RBBP8: variants seen among roughly 807,000 people sequenced by gnomAD.
RBBP8 encodes RB binding protein 8, endonuclease.
Under a neutral mutation model 108.3 loss-of-function variants are expected in RBBP8, and 88 were observed. That is an observed-to-expected ratio of 0.81 (90% CI 0.68 to 0.97). The LOEUF is 0.97. RBBP8 is among the 50% of genes least tolerant of loss of function. RBBP8 has a pLI of 0.00. For synonymous variants in RBBP8, 332 were observed against 348.2 expected, an observed-to-expected ratio of 0.95 and a Z score of 0.52; for missense variants, 1,023 against 1,049.0, an observed-to-expected ratio of 0.98 and a Z score of 0.34.
At chr18:23,009,844 C>T (rs980333500) in intron 16 of RBBP8, among the ~76,000 whole-genome samples, 6 of 152,242 alleles carry the variant, frequency 3.9e-5, no homozygotes, top group Non-Finnish European at 8.8e-5. Flanking sequence ...TCACTGCAAC[C>T]TCCACCTCCT....
rs773539898 is a variant in RBBP8, at chr18:22,985,021, T to C, written c.709+31T>C. ...CAAGATACTGAGATTACTTTACAAG[T>C]TTAAAATTGTGGTTATTGGTGGGTA... is the stretch of plus-strand genomic sequence containing the variant. On this transcript the variant is annotated intron_variant, in intron 8 of 18. Coordinates refer to ENST00000327155, the MANE Select transcript of RBBP8 (RefSeq NM_002894.3). 7 of 1,608,364 alleles carry C rather than the reference T, an allele frequency of 4.4e-6. 1 individual carries two copies. In the South Asian group the frequency reaches 4.4e-5, roughly 10 times the overall value.
At chr18:22,938,363 T>C (rs1414756570) in intron 2 of RBBP8, among the ~76,000 whole-genome samples, 3 of 151,978 alleles carry the variant, frequency 2.0e-5, no homozygotes, top group East Asian at 3.9e-4. Context: ...AGTTTTTGTA[T>C]TTTTTGTGGA....
At chr18:22,956,401 C>G (rs1029968128) in intron 4 of RBBP8, among the ~76,000 whole-genome samples, 2 of 152,104 alleles carry the variant, frequency 1.3e-5, no homozygotes, top group African/African-American at 4.8e-5. Flanking sequence ...ATGGCACCAT[C>G]ATAGCTCATT....
At chr18:22,985,271 C>T in intron 8 of RBBP8, among the ~76,000 whole-genome samples, 1 of 151,858 alleles carries the variant, frequency 6.6e-6, no homozygotes, top group South Asian at 2.1e-4. Flanking sequence ...TGTTGTATAC[C>T]AGGCACTGAA....
At chr18:22,953,255 T>A (rs963482547) in intron 4 of RBBP8, among the ~76,000 whole-genome samples, 1 of 152,204 alleles carries the variant, frequency 6.6e-6, no homozygotes, top group African/African-American at 2.4e-5. Flanking sequence ...GCCTGGTGTA[T>A]TCACCTATGT....
At chr18:22,970,914 C>G (rs1914026139) in intron 5 of RBBP8, among the ~76,000 whole-genome samples, 1 of 151,964 alleles carries the variant, frequency 6.6e-6, no homozygotes, top group South Asian at 2.1e-4. Flanking sequence ...TTTCTCTATC[C>G]CCAAGAATAT....
At chr18:22,959,870 C>CTTTTTTTTTTTTTTTTTTTT (rs35259762) in intron 4 of RBBP8, among the ~76,000 whole-genome samples, 1 of 86,408 alleles carries the variant, frequency 1.2e-5, no homozygotes, top group Non-Finnish European at 2.2e-5. Flanking sequence ...GATGAACTTT[C>CTTTTTTTTTTTTTTTTTTTT]TTTTTTTTTT....
chr18:23,022,168 T>C lies in RBBP8; in HGVS notation c.2494T>C (p.Leu832=), dbSNP rs140165933. ...GCCAGCAGAAGAAAGAGAAAAGAAA[T>C]TGGCTTCCTGCTCAAGACACCGATT... ...DMPAEEREKK[L]ASCSRHRFRY... The change falls in exon 18 of 19, where the codon TTG becomes CTG. Residue 832 remains leucine (L), a synonymous_variant. Transcript: ENST00000327155. 90 of 1,609,370 alleles carry C rather than the reference T, an allele frequency of 5.6e-5. No individual in the cohort carries two copies. The highest frequency in any genetic ancestry group is 7.1e-5 in the Non-Finnish European group (84 of 1,175,806).
chr18:22,960,920 G>A (rs925165360), intron 4 of RBBP8, among the ~76,000 whole-genome samples: 11 of 152,076 alleles, frequency 7.2e-5, no homozygotes, highest in African/African-American at 1.7e-4. Flanking sequence ...TGAGATACTC[G>A]TTCCTTTGTA....
At chr18:22,963,154 C>T (rs756359771) in intron 4 of RBBP8, among the ~76,000 whole-genome samples, 12 of 152,028 alleles carry the variant, frequency 7.9e-5, no homozygotes, top group Non-Finnish European at 1.8e-4. Context: ...TATTGTTTTG[C>T]TGTTTACTTC....
chr18:22,920,302 A>ATAATAGATTTGT (rs1909536015), intron 3 of RBBP8, among the ~76,000 whole-genome samples: 1 of 152,230 alleles, frequency 6.6e-6, no homozygotes, highest in African/African-American at 2.4e-5. Context: ...TCAATAGATA[A>ATAATAGATTTGT]ATAAATGGTT....
In RBBP8 at chr18:23,026,375, T is replaced by G. The variant is rs1286984017; in HGVS notation, c.*135T>G. ...TAAATCAGTTTTCTATTGAAAATGT[T>G]TGTGATATTTTGCTTTTGCACCTTT... On this transcript the variant is annotated 3_prime_UTR_variant, in exon 19 of 19. Coordinates refer to ENST00000327155, the MANE Select transcript of RBBP8 (RefSeq NM_002894.3). 2.4e-6 allele frequency: 2 copies of G among 850,796 alleles called. No homozygotes were observed. Among genetic ancestry groups the G allele is most frequent in the African/African-American group, 3.4e-5 (2 of 58,152 alleles). The allele number at this position is 850,796 out of a possible 1,614,324, so 52.7% of individuals were successfully genotyped here.
chr18:22,931,352 G>A (rs1910021576), upstream of RBBP8, among the ~76,000 whole-genome samples: 1 of 152,102 alleles, frequency 6.6e-6, no homozygotes, highest in South Asian at 2.1e-4. Flanking sequence ...GGGTAGCAGA[G>A]GCAATTCAAA....
At chr18:22,997,489 A>C (rs952473152) in intron 13 of RBBP8, 131 bp from the exon 14 acceptor site, 5 of 683,028 alleles carry the variant, frequency 7.3e-6, no homozygotes, top group Non-Finnish European at 2.6e-6. Flanking sequence ...TATAAAAGCA[A>C]ATATAGCTTA....
Position 22,919,581 on chromosome 18 carries a change from G to C in RBBP8, c.-154+2555G>C, listed in dbSNP as rs146477491. Among the ~76,000 whole-genome samples the C allele has an allele frequency of 7.0e-3, 1,060 of 152,202 alleles. 13 individuals carry two copies. The highest frequency in any genetic ancestry group is 0.024 in the African/African-American group (998 of 41,522). Reference sequence around the variant, plus strand: ...TCTTTTTTTCTTTTTTTGAGAGAGAGAGTCTCGCTCTGTCACTCAGGCTGA... The same window carrying C: ...TCTTTTTTTCTTTTTTTGAGAGAGACAGTCTCGCTCTGTCACTCAGGCTGA... On this transcript the variant is annotated intron_variant, in intron 3 of 4. Coordinates refer to the RBBP8 transcript ENST00000577588.
At chr18:22,917,759 G>T (rs191351930) in intron 3 of RBBP8, among the ~76,000 whole-genome samples, 2,665 of 152,222 alleles carry the variant, frequency 0.018, 43 homozygotes, top group Middle Eastern at 0.027. Flanking sequence ...CCAGCACTTT[G>T]GGAGGCTGAG....
At chr18:22,985,871 T>C (rs2144671566) in intron 8 of RBBP8, among the ~76,000 whole-genome samples, 1 of 139,060 alleles carries the variant, frequency 7.2e-6, no homozygotes, top group Admixed American at 6.8e-5. Flanking sequence ...CAAGTGATAA[T>C]AGATGGGGAT....
chr18:22,990,224 T>C (rs1222205360), intron 9 of RBBP8, among the ~76,000 whole-genome samples: 1 of 152,220 alleles, frequency 6.6e-6, no homozygotes, highest in Non-Finnish European at 1.5e-5. Context: ...GTGTGATCCA[T>C]GGGCCAATAG....
intron 8 of RBBP8, 131 bp downstream of exon 8, chr18:22,985,121 A>T: frequency 8.0e-7 from 1 of 1,243,078 alleles, no homozygotes. Context: ...TTACTAGTTT[A>T]CTATCTTTTT....
Sources: gnomAD v4.1 joint callset for allele counts (sites outside exome capture counted in the v4.1 genomes callset) on GRCh38, gnomAD v4.1.1 for gene constraint, MANE v1.5 for transcripts, NCBI Gene and HGNC (gene_info 2026-07-23, HGNC 2026-07-21) for gene names.